PGGT1B: variants seen among roughly 807,000 people sequenced by gnomAD.
PGGT1B encodes the protein protein geranylgeranyltransferase type I subunit beta.
In PGGT1B, 30 loss-of-function variants were observed where a neutral mutation model predicts 46.1. The observed-to-expected ratio is 0.65, with a 90% CI of 0.49 to 0.88. The LOEUF is 0.88. Among genes scored for constraint, PGGT1B ranks in the 40% least tolerant of loss-of-function variants. The pLI is 0.00. For synonymous variants in PGGT1B, 170 were observed against 160.0 expected (o/e 1.06, Z -0.47); for missense variants, 376 against 455.9 (o/e 0.82, Z 1.60).
chr5:115,256,441 C>G (rs557406241), intron 1 of PGGT1B, among the ~76,000 whole-genome samples: 5 of 152,272 alleles, frequency 3.3e-5, no homozygotes, highest in African/African-American at 9.6e-5. Flanking sequence ...ATTTTAAAAT[C>G]TTGCATACTT....
intron 6 of PGGT1B, among the ~76,000 whole-genome samples, chr5:115,226,733 C>A (rs1561474266): frequency 6.6e-6 from 1 of 151,636 alleles, no homozygotes; most frequent in South Asian, 2.1e-4. Flanking sequence ...GACATATGAC[C>A]AGCTTACAAT....
At position 115,208,637 on chromosome 5, in the gene PGGT1B, C is replaced by T. The variant is rs1441380456; in HGVS notation, c.*3765G>A. On this transcript the variant is annotated 3_prime_UTR_variant, in exon 9 of 9. Coordinates refer to ENST00000419445, the MANE Select transcript of PGGT1B (RefSeq NM_005023.4). Reference sequence around the variant, plus strand: ...TTAAATAGGTTAGCTGGTAGTTTATCTGACTCAACTCCCCGCACTACCCAT... The same window carrying T: ...TTAAATAGGTTAGCTGGTAGTTTATTTGACTCAACTCCCCGCACTACCCAT... 6.6e-6 allele frequency: 1 copy of T among 151,910 alleles called. No individual in the cohort carries two copies. Among genetic ancestry groups the T allele is most frequent in the Non-Finnish European group, 1.5e-5 (1 of 67,922 alleles). The allele number at this position is 151,910 out of a possible 1,614,324, so 9.4% of individuals were successfully genotyped here. A position where few individuals can be genotyped will look rare whatever the true frequency, so the allele number is the denominator to read the frequency against.
At chr5:115,214,731 T>G (rs982733690) in intron 8 of PGGT1B, among the ~76,000 whole-genome samples, 1 of 152,200 alleles carries the variant, frequency 6.6e-6, no homozygotes, top group Non-Finnish European at 1.5e-5. Flanking sequence ...TTAAAAAAGC[T>G]ATTGGAAACA....
rs1387543437 is a variant in PGGT1B, at chr5:115,237,840, A to G, written c.479+18T>C. On this transcript the variant is annotated intron_variant, in intron 4 of 8. Transcript: ENST00000419445. Reference sequence around the variant, plus strand: ...ATTTTTGTTTATTACAAAAAAAGTAACAAAGAATCACTCATACCTCCCATC... The same window carrying G: ...ATTTTTGTTTATTACAAAAAAAGTAGCAAAGAATCACTCATACCTCCCATC... The G allele has an allele frequency of 1.2e-5, 19 of 1,595,462 alleles. No homozygotes were observed. Among genetic ancestry groups the G allele is most frequent in the Non-Finnish European group, 1.6e-5 (19 of 1,174,608 alleles).
At chr5:115,260,725 A>G (rs931232596) in intron 1 of PGGT1B, among the ~76,000 whole-genome samples, 6 of 152,174 alleles carry the variant, frequency 3.9e-5, no homozygotes, top group African/African-American at 1.2e-4. Context: ...AACATTAGAC[A>G]AAAAAGGATA....
At position 115,211,726 on chromosome 5, in the gene PGGT1B, A is replaced by C. The variant is rs546517477; in HGVS notation, c.*676T>G. On this transcript the variant is annotated 3_prime_UTR_variant, in exon 9 of 9. Coordinates refer to ENST00000419445, the MANE Select transcript of PGGT1B (RefSeq NM_005023.4). Reference sequence around the variant, plus strand: ...ACAAAACTTTCTCATTCACAATCACATACAGTTAAGTTGCTTTTCCCTCAG... The same window carrying C: ...ACAAAACTTTCTCATTCACAATCACCTACAGTTAAGTTGCTTTTCCCTCAG... 1 of 152,166 alleles carries C rather than the reference A, an allele frequency of 6.6e-6. No individual in the cohort carries two copies. The highest frequency in any genetic ancestry group is 2.4e-5 in the African/African-American group (1 of 41,542). The allele number at this position is 152,166 out of a possible 1,614,324, so 9.4% of individuals were successfully genotyped here.
intron 1 of PGGT1B, 187 bp downstream of exon 1, chr5:115,262,525 G>C: frequency 3.1e-6 from 2 of 642,118 alleles, no homozygotes; most frequent in Admixed American, 3.0e-5. Context: ...TCGACCTACA[G>C]CCTTCCAGAC....
intron 6 of PGGT1B, among the ~76,000 whole-genome samples, chr5:115,225,809 C>T (rs961093603): frequency 9.9e-5 from 15 of 151,762 alleles, no homozygotes; most frequent in African/African-American, 3.1e-4. Context: ...CCACATTTGG[C>T]TAATTTTTTT....
intron 8 of PGGT1B, among the ~76,000 whole-genome samples, 175 bp downstream of exon 8, chr5:115,216,690 T>C (rs73780087): frequency 0.011 from 1,682 of 152,322 alleles, 31 homozygotes; most frequent in African/African-American, 0.038. Flanking sequence ...CTTTCATTTA[T>C]ACTCTCTAAT....
chr5:115,235,458 C>T (rs1053270548), intron 5 of PGGT1B, among the ~76,000 whole-genome samples: 5 of 151,980 alleles, frequency 3.3e-5, no homozygotes, highest in Non-Finnish European at 2.9e-5. Context: ...ACAAGATATT[C>T]GGTAATTACA....
intron 3 of PGGT1B, among the ~76,000 whole-genome samples, chr5:115,239,738 T>C (rs866833193): frequency 1.8e-4 from 28 of 152,074 alleles, no homozygotes; most frequent in Non-Finnish European, 2.6e-4. Flanking sequence ...GTATTACAGG[T>C]AGAAGAAAAA....
At chr5:115,247,785 T>A (rs1001629422) in intron 2 of PGGT1B, among the ~76,000 whole-genome samples, 1 of 152,174 alleles carries the variant, frequency 6.6e-6, no homozygotes, top group African/African-American at 2.4e-5. Flanking sequence ...TTCACAGAGA[T>A]TAGAGACTTA....
intron 6 of PGGT1B, among the ~76,000 whole-genome samples, chr5:115,227,792 C>T (rs907473786): frequency 3.3e-5 from 5 of 152,138 alleles, no homozygotes; most frequent in African/African-American, 1.2e-4. Flanking sequence ...CTGACTAAGA[C>T]AAAAATGTCT....
At chr5:115,246,364 A>T (rs944816602) in intron 2 of PGGT1B, among the ~76,000 whole-genome samples, 1 of 152,104 alleles carries the variant, frequency 6.6e-6, no homozygotes, top group Admixed American at 6.5e-5. Flanking sequence ...TCAAAAAAAA[A>T]AAAAAAATTC....
chr5:115,248,961 A>G (rs1747974273), intron 2 of PGGT1B, among the ~76,000 whole-genome samples: 1 of 152,250 alleles, frequency 6.6e-6, no homozygotes, highest in African/African-American at 2.4e-5. Context: ...GTATTTACGT[A>G]TAGCTATGAA....
chr5:115,237,814 T>C lies in PGGT1B; in HGVS notation c.479+44A>G, dbSNP rs370881285. On this transcript the variant is annotated intron_variant, in intron 4 of 8. Coordinates refer to ENST00000419445, the MANE Select transcript of PGGT1B (RefSeq NM_005023.4). ...CTGTATCCATTTTTTAGTTCCAATATATTTTTGTTTATTACAAAAAAAGTA... is the reference window on the plus strand; with the variant it reads ...CTGTATCCATTTTTTAGTTCCAATACATTTTTGTTTATTACAAAAAAAGTA... 24 of 1,550,912 alleles carry C rather than the reference T, an allele frequency of 1.5e-5. No individual in the cohort carries two copies. In the African/African-American group the frequency reaches 3.3e-4, roughly 21 times the overall value.
At chr5:115,218,491 CAAAA>C (rs11345719) in intron 7 of PGGT1B, among the ~76,000 whole-genome samples, 1 of 112,830 alleles carries the variant, frequency 8.9e-6, no homozygotes, top group Non-Finnish European at 1.8e-5. Flanking sequence ...CAATGATTCT[CAAAA>C]AAAAAAAAAA....
intron 8 of PGGT1B, among the ~76,000 whole-genome samples, chr5:115,216,360 G>C (rs1452538469): frequency 6.6e-6 from 1 of 152,046 alleles, no homozygotes; most frequent in Non-Finnish European, 1.5e-5. Flanking sequence ...GGCTGGTCTT[G>C]AACTCCTGAC....
At chr5:115,260,572 A>T (rs1748512779) in intron 1 of PGGT1B, among the ~76,000 whole-genome samples, 2 of 152,250 alleles carry the variant, frequency 1.3e-5, no homozygotes, top group Admixed American at 6.5e-5. Context: ...AAAAGAACTT[A>T]GTGCTAAAGA....
Sources: allele counts gnomAD v4.1 joint callset (sites outside exome capture counted in the v4.1 genomes callset), GRCh38; gene constraint gnomAD v4.1.1; transcripts MANE v1.5; gene names NCBI Gene and HGNC (gene_info 2026-07-23, HGNC 2026-07-21).